The following FRY variants were observed in gnomAD, a reference collection of about 807,000 sequenced individuals.
FRY encodes the protein protein furry homolog.
FRY carries 128 observed loss-of-function variants against 348.4 expected under a neutral mutation model. The ratio of observed to expected loss-of-function variants is 0.37; its 90% CI spans 0.32 to 0.43. FRY has a LOEUF of 0.43. Ranked by LOEUF, FRY falls within the 20% of genes least tolerant of loss-of-function variation. The probability of loss-of-function intolerance (pLI) is 1.00; values close to 1 mark genes in which losing one functional copy is unlikely to be tolerated. For synonymous variants in FRY, 1,370 were observed against 1,374.7 expected (o/e 1.00, Z 0.08); for missense variants, 2,736 against 3,695.2 (o/e 0.74, Z 6.73).
At chr13:32,236,686 C>T (rs1346523625) in intron 43 of FRY, among the ~76,000 whole-genome samples, 1 of 151,936 alleles carries the variant, frequency 6.6e-6, no homozygotes, top group African/African-American at 2.4e-5. Context: ...TTATTCACGA[C>T]TCTATATTCT....
At chr13:32,208,131 TCACAGGGGACA>T (rs1186645097) in intron 31 of FRY, among the ~76,000 whole-genome samples, 1 of 152,242 alleles carries the variant, frequency 6.6e-6, no homozygotes, top group Non-Finnish European at 1.5e-5. Context: ...CTCACGTGTC[TCACAGGGGACA>T]CACAGCCCTT....
intron 52 of FRY, 94 bp from the exon 53 acceptor site, chr13:32,262,220 A>G: frequency 5.1e-6 from 5 of 978,272 alleles, no homozygotes; most frequent in South Asian, 1.4e-5. Flanking sequence ...AAGTTAAAAA[A>G]TTAAGACGTA....
At chr13:32,223,205 G>A (rs373327344) in intron 36 of FRY, among the ~76,000 whole-genome samples, 39 of 152,028 alleles carry the variant, frequency 2.6e-4, no homozygotes, top group South Asian at 1.0e-3. Flanking sequence ...TGATCTACCC[G>A]CCTTGGCCTT....
chr13:32,238,152 A>G (rs1025389238), intron 44 of FRY, among the ~76,000 whole-genome samples, 166 bp downstream of exon 44: 1 of 152,194 alleles, frequency 6.6e-6, no homozygotes, highest in African/African-American at 2.4e-5. Flanking sequence ...GTAAATCTCA[A>G]TGATCTGTAT....
At chr13:32,260,191 A>C (rs1446897485) in intron 51 of FRY, among the ~76,000 whole-genome samples, 1 of 152,262 alleles carries the variant, frequency 6.6e-6, no homozygotes, top group African/African-American at 2.4e-5. Flanking sequence ...GATAATGCTC[A>C]TAAGTTTAAC....
intron 3 of FRY, among the ~76,000 whole-genome samples, chr13:32,112,819 C>T (rs2021947): frequency 0.051 from 7,795 of 152,250 alleles, 330 homozygotes; most frequent in East Asian, 0.24. Flanking sequence ...AAATCACTTT[C>T]TACCATCTTG....
intron 39 of FRY, among the ~76,000 whole-genome samples, chr13:32,227,651 A>G (rs1011002353): frequency 6.6e-6 from 1 of 152,196 alleles, no homozygotes; most frequent in Non-Finnish European, 1.5e-5. Context: ...CAATATACAC[A>G]TAATACTAAA....
Position 32,224,194 on chromosome 13 carries a change from C to T in FRY, c.4766-41C>T, listed in dbSNP as rs529622205. On this transcript the variant is annotated intron_variant, in intron 36 of 60. Coordinates refer to ENST00000542859, the MANE Select transcript of FRY (RefSeq NM_023037.3). The stretch of plus-strand genomic sequence containing the variant: ...ATCAAGTAGAGAAAACAAGTCTCCT[C>T]TCCCTGAAAATAAAGCACAGTTGTC... 25 of 1,569,946 alleles carry T rather than the reference C, an allele frequency of 1.6e-5. No homozygotes were observed. In the African/African-American group the frequency reaches 1.6e-4, roughly 10 times the overall value.
In FRY at chr13:32,237,998, C is replaced by T. The variant is rs549633361; in HGVS notation, c.6418+12C>T. 9.3e-6 allele frequency: 15 copies of T among 1,612,250 alleles called. No individual in the cohort carries two copies. The East Asian group carries it at 1.3e-4, about 14-fold the overall frequency. ...ATCCCACGCTATTGGTAAAGCCAGC[C>T]TCGTTCACCCTGTCTCAATTCTGAT... On this transcript the variant is annotated intron_variant, in intron 44 of 60. Transcript: ENST00000542859. This position sits in a 1 kb window ranked among gnomAD's most constrained non-coding sequence, Gnocchi z 6.3.
At chr13:32,169,273 T>C (rs978390882) in intron 17 of FRY, among the ~76,000 whole-genome samples, 3 of 152,236 alleles carry the variant, frequency 2.0e-5, no homozygotes, top group African/African-American at 4.8e-5. Context: ...TATTCCTGCC[T>C]GACTCTCTTT....
intron 31 of FRY, 84 bp from the exon 32 acceptor site, chr13:32,208,769 C>T: frequency 6.7e-7 from 1 of 1,488,644 alleles, no homozygotes. Context: ...GGACACTGTT[C>T]AGTCTGCAAG....
At chr13:32,089,528 T>C (rs1876110943) in intron 2 of FRY, among the ~76,000 whole-genome samples, 1 of 151,746 alleles carries the variant, frequency 6.6e-6, no homozygotes, top group African/African-American at 2.4e-5. Context: ...CTTGGGAGGC[T>C]GAGGTGGGAA....
At position 32,234,659 on chromosome 13, in the gene FRY, C is replaced by A; in HGVS notation, c.5613C>A (p.Phe1871Leu). Residue 1871 changes from phenylalanine (F) to leucine (L), a missense_variant, in exon 42 of 61, where the codon TTC becomes TTA. Coordinates refer to ENST00000542859, the MANE Select transcript of FRY (RefSeq NM_023037.3). ...SSSRHYAGRS[F>L]QIFRALKQPL... ...CAAGGCACTATGCTGGTCGGTCCTT[C>A]CAGATATTCCGGGCCCTCAAGCAAC... 1 of 1,614,090 alleles carries A rather than the reference C, an allele frequency of 6.2e-7. No individual in the cohort carries two copies. Among genetic ancestry groups the A allele is most frequent in the Non-Finnish European group, 8.5e-7 (1 of 1,179,996 alleles).
chr13:32,178,766 C>A, intron 21 of FRY, 78 bp from the exon 22 acceptor site: 1 of 990,152 alleles, frequency 1.0e-6, no homozygotes, highest in Non-Finnish European at 1.6e-6. Context: ...TTGAGTACTT[C>A]CTATGATCTT....
Position 32,274,927 on chromosome 13 carries a change from T to G in FRY, c.8222T>G (p.Val2741Gly). ...CTCCGGGGAATCGGATCCAAATTTG[T>G]CAGCTCTTCCCAGATGCTCACCTCC... ...DNLRGIGSKF[V>G]SSSQMLTSCS... The change falls in exon 56 of 61, where the codon GTC becomes GGC. Residue 2741 changes from valine to glycine, a missense_variant. Val to Gly is a moderately radical substitution (Grantham distance 109). This residue lies in a region of FRY where 789 missense variants were observed against 996.2 expected (regional missense o/e 0.79). Transcript: ENST00000542859. 1 of 1,613,432 alleles carries G rather than the reference T, an allele frequency of 6.2e-7. No individual in the cohort carries two copies. The highest frequency in any genetic ancestry group is 8.5e-7 in the Non-Finnish European group (1 of 1,179,418).
intron 4 of FRY, among the ~76,000 whole-genome samples, chr13:32,121,275 G>A (rs1046453095): frequency 6.6e-6 from 1 of 152,070 alleles, no homozygotes; most frequent in African/African-American, 2.4e-5. Flanking sequence ...CTTTTCCTCT[G>A]GGTAGATACC....
chr13:32,109,945 G>A (rs922327031), intron 3 of FRY, among the ~76,000 whole-genome samples: 1 of 152,156 alleles, frequency 6.6e-6, no homozygotes, highest in Non-Finnish European at 1.5e-5. Flanking sequence ...AGTGGGAGAA[G>A]TCTAGAGATA....
At chr13:32,066,435 C>G (rs9567094) in intron 1 of FRY, among the ~76,000 whole-genome samples, 9,807 of 152,230 alleles carry the variant, frequency 0.064, 695 homozygotes, top group East Asian at 0.4. Context: ...GTGTCACTCC[C>G]AGGTATACAT....
chr13:32,138,277 A>G (rs982863459), intron 11 of FRY, among the ~76,000 whole-genome samples: 1 of 152,138 alleles, frequency 6.6e-6, no homozygotes, highest in African/African-American at 2.4e-5. Flanking sequence ...CAGATAGGAA[A>G]TAGTCACTTT....
Sources: gnomAD v4.1 joint callset for allele counts (sites outside exome capture counted in the v4.1 genomes callset) on GRCh38, gnomAD v4.1.1 for gene constraint, gnomAD v4.1.1 regional missense constraint, Gnocchi (gnomAD v3.1) non-coding constraint, MANE v1.5 for transcripts, NCBI Gene and HGNC (gene_info 2026-07-23, HGNC 2026-07-21) for gene names.